Variants in CDH4 observed in about 807,000 individuals in gnomAD.
CDH4 encodes the protein cadherin 4, also known as cadherin-4.
Under a neutral mutation model 86.0 loss-of-function variants are expected in CDH4, and 33 were observed. The observed-to-expected ratio is 0.38, with a 90% CI of 0.29 to 0.51. CDH4 has a LOEUF of 0.51. Ranked by LOEUF, CDH4 falls within the 20% of genes least tolerant of loss-of-function variation. CDH4 has a pLI of 0.86. For synonymous variants in CDH4, 555 were observed against 549.4 expected, an observed-to-expected ratio of 1.01 and a Z score of -0.14; for missense variants, 1,114 against 1,307.4, an observed-to-expected ratio of 0.85 and a Z score of 2.28.
At chr20:61,665,773 G>T (rs905868869) in intron 2 of CDH4, among the ~76,000 whole-genome samples, 1 of 152,196 alleles carries the variant, frequency 6.6e-6, no homozygotes, top group Admixed American at 6.5e-5. Context: ...ACCTTTGAGT[G>T]TCTACAGGCA....
In CDH4 at chr20:61,910,513, A is replaced by G; in HGVS notation, c.1280A>G (p.Asn427Ser). The change falls in exon 9 of 16, where the codon AAT (asparagine) becomes AGT (serine). Residue 427 changes from asparagine to serine, a missense_variant. Around this residue, in one of 3 missense-constraint regions of CDH4, gnomAD observed 705 missense variants for 914.1 expected, o/e 0.77. Coordinates refer to ENST00000614565, the MANE Select transcript of CDH4 (RefSeq NM_001794.5). ...DRDQPHSPNW[N>S]AVYRIISGDP... The stretch of plus-strand genomic sequence containing the variant: ...GATCAGCCCCACTCTCCAAACTGGA[A>G]TGCCGTTTACCGCATCATCAGTGGG... 1 of 1,614,008 alleles carries G rather than the reference A, an allele frequency of 6.2e-7. No individual in the cohort carries two copies.
Position 61,408,990 on chromosome 20 carries a change from G to A in CDH4, c.169+154053G>A, listed in dbSNP as rs146446535. ...AGGCTTCTCTGCTTTTCAATGTGGC[G>A]TTTAAGGTTCCGGAAACTGTGCAGT... On this transcript the variant is annotated intron_variant, in intron 2 of 15. Coordinates refer to ENST00000614565, the MANE Select transcript of CDH4 (RefSeq NM_001794.5). 1.1e-4 allele frequency among the ~76,000 whole-genome samples: 16 copies of A among 152,300 alleles called. No individual in the cohort carries two copies. In the East Asian group the frequency reaches 1.5e-3, roughly 15 times the overall value.
intron 2 of CDH4, among the ~76,000 whole-genome samples, chr20:61,306,134 T>G (rs2084416026): frequency 1.3e-5 from 2 of 152,332 alleles, no homozygotes; most frequent in Non-Finnish European, 1.5e-5. Flanking sequence ...TCTTCCTTGC[T>G]TAGGGTTTCA....
intron 2 of CDH4, among the ~76,000 whole-genome samples, chr20:61,636,718 C>T (rs562708982): frequency 1.3e-5 from 2 of 152,364 alleles, no homozygotes; most frequent in Admixed American, 6.5e-5. Context: ...CAGAGTTCCA[C>T]GCCCTCCCCT....
chr20:61,648,122 G>A (rs1186692205), intron 2 of CDH4, among the ~76,000 whole-genome samples: 1 of 152,226 alleles, frequency 6.6e-6, no homozygotes, highest in African/African-American at 2.4e-5. Flanking sequence ...GAGCGCAGGT[G>A]CAGAAGGCAC....
intron 2 of CDH4, among the ~76,000 whole-genome samples, chr20:61,372,994 TTTAGATG>T: frequency 1.3e-5 from 2 of 152,356 alleles, no homozygotes; most frequent in South Asian, 4.1e-4. Context: ...TTTTTTTTCA[TTTAGATG>T]TTAACGCTTT....
intron 2 of CDH4, among the ~76,000 whole-genome samples, chr20:61,686,078 T>C (rs979808225): frequency 3.3e-5 from 5 of 152,202 alleles, no homozygotes; most frequent in African/African-American, 1.2e-4. Context: ...TTTCTTCCAG[T>C]GAAAATAGAC....
intron 2 of CDH4, among the ~76,000 whole-genome samples, chr20:61,458,331 TCATGAGGGTGAGGGCAG>T: frequency 6.6e-6 from 1 of 151,520 alleles, no homozygotes; most frequent in Admixed American, 6.6e-5. Context: ...ATGGTCATGG[TCATGAGGGTGAGGGCAG>T]TGCTGACGCT....
intron 2 of CDH4, among the ~76,000 whole-genome samples, chr20:61,490,582 CCAGCTACTCGGGAGGCTGAGG>C (rs1470382378): frequency 6.6e-6 from 1 of 152,014 alleles, no homozygotes; most frequent in Non-Finnish European, 1.5e-5. Flanking sequence ...GCCTGTAATC[CCAGCTACTCGGGAGGCTGAGG>C]CAGGAGAATC....
rs78360040 is a variant in CDH4, at chr20:61,362,793, A to T, written c.169+107856A>T. Among the ~76,000 whole-genome samples, 52 of 152,154 alleles carry T rather than the reference A, an allele frequency of 3.4e-4. No individual in the cohort carries two copies. The East Asian group carries it at 9.3e-3, about 27-fold the overall frequency. On this transcript the variant is annotated intron_variant, in intron 2 of 15. Transcript: ENST00000614565. ...AGGGAAGGAAGGAGGTGGCGAGAGG[A>T]TCATGCGTTCTGTGTTGGGCCAGAG...
chr20:61,365,047 A>T (rs2084803729), intron 2 of CDH4, among the ~76,000 whole-genome samples: 1 of 152,150 alleles, frequency 6.6e-6, no homozygotes, highest in African/African-American at 2.4e-5. Flanking sequence ...GGATTCCAAG[A>T]TATGGAATGG....
intron 2 of CDH4, among the ~76,000 whole-genome samples, chr20:61,680,768 T>C (rs192709054): frequency 1.2e-3 from 184 of 152,322 alleles, no homozygotes; most frequent in African/African-American, 4.4e-3. Context: ...CTCCCCGGGA[T>C]GCAGGACCTC....
At chr20:61,614,278 C>T (rs552211653) in intron 2 of CDH4, among the ~76,000 whole-genome samples, 10 of 152,192 alleles carry the variant, frequency 6.6e-5, no homozygotes, top group African/African-American at 2.2e-4. Context: ...AAGAAAGGGG[C>T]TGGGGCTGGA....
intron 2 of CDH4, among the ~76,000 whole-genome samples, chr20:61,396,388 C>T (rs1201624347): frequency 1.3e-5 from 2 of 152,090 alleles, no homozygotes; most frequent in Non-Finnish European, 2.9e-5. Flanking sequence ...TCATGGAGCT[C>T]GGCAAGAGGC....
chr20:61,352,258 G>A (rs6513583), intron 2 of CDH4, among the ~76,000 whole-genome samples: 5,239 of 152,142 alleles, frequency 0.034, 224 homozygotes, highest in African/African-American at 0.096. Context: ...TTTCTGTCCT[G>A]CAACTTACTT....
intron 3 of CDH4, among the ~76,000 whole-genome samples, chr20:61,748,948 T>C (rs932378328): frequency 2.0e-5 from 3 of 152,240 alleles, no homozygotes; most frequent in East Asian, 1.9e-4. Context: ...ATTTAAAAAA[T>C]TGATGGATAA....
intron 2 of CDH4, among the ~76,000 whole-genome samples, chr20:61,275,167 A>G (rs1457439284): frequency 1.3e-4 from 11 of 81,970 alleles, no homozygotes; most frequent in South Asian, 4.5e-4. Context: ...AGTACCATGC[A>G]TAGTTTGGGG....
At position 61,877,935 on chromosome 20, in the gene CDH4, G is replaced by A. The variant is rs553377327; in HGVS notation, c.1050+4035G>A. Among the ~76,000 whole-genome samples, 9 of 152,266 alleles carry A rather than the reference G, an allele frequency of 5.9e-5. No individual in the cohort carries two copies. The East Asian group carries it at 1.4e-3, about 23-fold the overall frequency. On this transcript the variant is annotated intron_variant, in intron 7 of 15. Coordinates refer to ENST00000614565, the MANE Select transcript of CDH4 (RefSeq NM_001794.5). ...GGAGGACCCCCAGGCAGGGGATGAG[G>A]TGTAACCCAAATGAGGCCCGGCCCC...
At chr20:61,283,413 T>TA (rs2084273122) in intron 2 of CDH4, among the ~76,000 whole-genome samples, 1 of 140,934 alleles carries the variant, frequency 7.1e-6, no homozygotes, top group Non-Finnish European at 1.6e-5. Context: ...GTGTGTGATG[T>TA]GTGTGCGTTT....
Sources: gnomAD v4.1 joint callset for allele counts (sites outside exome capture counted in the v4.1 genomes callset) on GRCh38, gnomAD v4.1.1 for gene constraint, gnomAD v4.1.1 regional missense constraint, MANE v1.5 for transcripts, NCBI Gene and HGNC (gene_info 2026-07-23, HGNC 2026-07-21) for gene names.